Variants in SCAF11 observed in about 807,000 individuals in gnomAD.
SCAF11 encodes the protein protein SCAF11.
Under a neutral mutation model 140.5 loss-of-function variants are expected in SCAF11, and 47 were observed. The ratio of observed to expected loss-of-function variants is 0.33; its 90% CI spans 0.26 to 0.43. The LOEUF (loss-of-function observed/expected upper bound fraction) is 0.43, where lower values mean the gene tolerates loss of function less well. Ranked by LOEUF, SCAF11 falls within the 20% of genes least tolerant of loss-of-function variation. The probability of loss-of-function intolerance (pLI) is 1.00; values close to 1 mark genes in which losing one functional copy is unlikely to be tolerated. For missense variants in SCAF11, 1,645 were observed against 1,705.1 expected, an observed-to-expected ratio of 0.96 and a Z score of 0.62; for synonymous variants, 557 against 579.4, an observed-to-expected ratio of 0.96 and a Z score of 0.55.
intron 6 of SCAF11, among the ~76,000 whole-genome samples, chr12:45,934,715 A>G (rs1945130859): frequency 6.6e-6 from 1 of 152,366 alleles, no homozygotes; most frequent in East Asian, 1.9e-4. Flanking sequence ...ATAAAAGGCC[A>G]CAATACAGAA....
chr12:45,927,713 G>C lies in SCAF11; in HGVS notation c.1988C>G (p.Ser663Cys), dbSNP rs752801858. 6.2e-7 allele frequency: 1 copy of C among 1,612,000 alleles called. No homozygotes were observed. The highest frequency in any genetic ancestry group is 8.5e-7 in the Non-Finnish European group (1 of 1,179,266). ...ATTATTTTTTAGTAAGTTATTTTCA[G>C]AGTCTTGAATATTATTGAAATCTTC... The part of the protein sequence containing the change: ...GNEDFNNIQD[S>C]ENNLLKNNLL... The change falls in exon 11 of 15, where the codon TCT becomes TGT. Residue 663 changes from serine to cysteine, a missense_variant. Physicochemically the swap from Ser to Cys is moderately radical, Grantham distance 112 (BLOSUM62 -1). This residue lies in a region of SCAF11 where 1,582 missense variants were observed against 1,609.2 expected (regional missense o/e 0.98). Coordinates refer to ENST00000369367, the MANE Select transcript of SCAF11 (RefSeq NM_004719.3).
chr12:45,948,357 T>C, intron 5 of SCAF11, 80 bp downstream of exon 5: 1 of 893,922 alleles, frequency 1.1e-6, no homozygotes, highest in Non-Finnish European at 1.8e-6. Flanking sequence ...AAACCCCACT[T>C]CATTTTTTTA....
intron 3 of SCAF11, chr12:45,960,695 C>A (rs1945805635): frequency 6.6e-6 from 1 of 152,056 alleles, no homozygotes; most frequent in Admixed American, 6.6e-5. Flanking sequence ...TATAACAAAT[C>A]TTCTCTTCCT....
At chr12:45,943,160 A>G (rs1945343370) in intron 6 of SCAF11, among the ~76,000 whole-genome samples, 1 of 152,226 alleles carries the variant, frequency 6.6e-6, no homozygotes, top group African/African-American at 2.4e-5. Context: ...AAATTTCCCT[A>G]GTAAAAAGTA....
At chr12:45,973,664 C>T (rs766556988) in intron 1 of SCAF11, among the ~76,000 whole-genome samples, 1 of 151,972 alleles carries the variant, frequency 6.6e-6, no homozygotes, top group Non-Finnish European at 1.5e-5. Context: ...TTATCAGAAA[C>T]CATGCAAGTC....
At chr12:45,979,888 TAA>T (rs546287967) in intron 1 of SCAF11, among the ~76,000 whole-genome samples, 1 of 146,310 alleles carries the variant, frequency 6.8e-6, no homozygotes, top group Admixed American at 6.8e-5. Flanking sequence ...AACTTAAAAT[TAA>T]AAAAAAAAAA....
At chr12:45,950,732 T>C (rs1046163896) in intron 4 of SCAF11, among the ~76,000 whole-genome samples, 3 of 152,162 alleles carry the variant, frequency 2.0e-5, no homozygotes, top group Non-Finnish European at 4.4e-5. Context: ...TCAAGATTCA[T>C]CTGGTAAAAA....
chr12:45,978,215 G>A (rs1180409549), intron 1 of SCAF11, among the ~76,000 whole-genome samples: 1 of 152,084 alleles, frequency 6.6e-6, no homozygotes, highest in Non-Finnish European at 1.5e-5. Context: ...ATATATTTAT[G>A]CAATTGTTGT....
chr12:45,945,270 A>C lies in SCAF11; in HGVS notation c.442T>G (p.Cys148Gly). Residue 148 changes from cysteine (C) to glycine (G), a missense_variant, in exon 6 of 15, where the codon TGT becomes GGT. Physicochemically the swap from Cys to Gly is radical, Grantham distance 159. Coordinates refer to ENST00000369367, the MANE Select transcript of SCAF11 (RefSeq NM_004719.3). ...VREDLLSAKVCDLKWIHRNSL... is the reference protein window; with the variant it reads ...VREDLLSAKVGDLKWIHRNSL... ...TTACTATGTATCCACTTCAAGTCACAAACTTTTGCACTTAATAGATCTTCT... is the reference window on the plus strand; with the variant it reads ...TTACTATGTATCCACTTCAAGTCACCAACTTTTGCACTTAATAGATCTTCT... 1 of 1,584,624 alleles carries C rather than the reference A, an allele frequency of 6.3e-7. No homozygotes were observed. Among genetic ancestry groups the C allele is most frequent in the East Asian group, 2.2e-5 (1 of 44,530 alleles).
upstream of SCAF11, chr12:45,990,705 C>T (rs1946583812): frequency 1.4e-6 from 1 of 702,196 alleles, no homozygotes; most frequent in Non-Finnish European, 1.9e-6. Flanking sequence ...ATTCTGCTTA[C>T]TCGCTCGCTC....
intron 9 of SCAF11, among the ~76,000 whole-genome samples, chr12:45,932,043 A>G (rs1262683251): frequency 6.6e-6 from 1 of 150,508 alleles, no homozygotes; most frequent in Non-Finnish European, 1.5e-5. Context: ...GTGTGTGCAT[A>G]TATATATATA....
At chr12:45,933,059 G>A in intron 9 of SCAF11, 72 bp downstream of exon 9, 1 of 969,524 alleles carries the variant, frequency 1.0e-6, no homozygotes, top group South Asian at 1.5e-5. Flanking sequence ...AGGTACCCTT[G>A]TACTTAAGTA....
rs766802295 is a variant in SCAF11, at chr12:45,945,233, G to T, written c.463+16C>A. On this transcript the variant is annotated intron_variant, in intron 6 of 14. Coordinates refer to ENST00000369367, the MANE Select transcript of SCAF11 (RefSeq NM_004719.3). ...ACAAAAAAAAAGGTAGAATCCACAAGCAAAAAGTAACTTACTATGTATCCA... is the reference window on the plus strand; with the variant it reads ...ACAAAAAAAAAGGTAGAATCCACAATCAAAAAGTAACTTACTATGTATCCA... 1.3e-6 allele frequency: 2 copies of T among 1,499,026 alleles called. No homozygotes were observed. The highest frequency in any genetic ancestry group is 1.2e-5 in the South Asian group (1 of 82,786). The allele number at this position is 1,499,026 out of a possible 1,614,324, so 92.9% of individuals were successfully genotyped here. A position where few individuals can be genotyped will look rare whatever the true frequency, so the allele number is the denominator to read the frequency against.
chr12:45,928,414 A>G lies in SCAF11; in HGVS notation c.1287T>C (p.Ser429=), dbSNP rs1309967000. The G allele has an allele frequency of 6.2e-7, 1 of 1,613,592 alleles. No individual in the cohort carries two copies. The highest frequency in any genetic ancestry group is 1.7e-5 in the Admixed American group (1 of 60,004). The change falls in exon 11 of 15, where the codon AGT becomes AGC. Residue 429 remains serine, a synonymous_variant. Transcript: ENST00000369367. ...LEKEHQPDVD[S]SNICTVQTHV... ...GAGTCTGCACAGTACAAATGTTACT[A>G]CTGTCTACATCTGGTTGGTGCTCTT...
At chr12:45,929,042 T>C in intron 10 of SCAF11, 183 bp from the exon 11 acceptor site, 1 of 375,760 alleles carries the variant, frequency 2.7e-6, no homozygotes, top group Non-Finnish European at 4.6e-6. Context: ...TCAACTTTCT[T>C]AATGACACTG....
At chr12:45,982,997 T>G (rs991226194) in intron 1 of SCAF11, among the ~76,000 whole-genome samples, 11 of 152,174 alleles carry the variant, frequency 7.2e-5, no homozygotes, top group African/African-American at 2.4e-4. Context: ...GGCAAAGAGT[T>G]TCTAAGACAT....
At position 45,947,392 on chromosome 12, in the gene SCAF11, A is replaced by T. The variant is rs538902074; in HGVS notation, c.398+1045T>A. ...ATAGGCAATGGTTTTAACAGCAACT[A>T]AAAAAAAGAAACCTGTATATTTAAA... On this transcript the variant is annotated intron_variant, in intron 5 of 14. Transcript: ENST00000369367. 1.7e-4 allele frequency among the ~76,000 whole-genome samples: 26 copies of T among 152,178 alleles called. 1 individual carries two copies.
At chr12:45,990,612 C>T, upstream of SCAF11, 1 of 1,219,604 alleles carries the variant, frequency 8.2e-7, no homozygotes, top group Non-Finnish European at 1.0e-6. Flanking sequence ...TCCCTCCCCT[C>T]CCCTCCCTGC....
chr12:45,966,536 A>C (rs192041915), intron 1 of SCAF11, among the ~76,000 whole-genome samples: 59 of 152,010 alleles, frequency 3.9e-4, no homozygotes, highest in African/African-American at 1.3e-3. Flanking sequence ...GTGGCTATTA[A>C]GGAATAAAAA....
Sources: allele counts gnomAD v4.1 joint callset (sites outside exome capture counted in the v4.1 genomes callset), GRCh38; gene constraint gnomAD v4.1.1; regional missense constraint gnomAD v4.1.1; transcripts MANE v1.5; gene names NCBI Gene and HGNC (gene_info 2026-07-23, HGNC 2026-07-21).